The following ACACA variants were observed in gnomAD, a reference collection of about 807,000 sequenced individuals.
ACACA encodes the protein acetyl-CoA carboxylase alpha, also known as acetyl-CoA carboxylase 1.
In ACACA, 103 loss-of-function variants were observed where a neutral mutation model predicts 296.1. The ratio of observed to expected loss-of-function variants is 0.35; its 90% CI spans 0.30 to 0.41. The LOEUF is 0.41. Among genes scored for constraint, ACACA ranks in the 10% least tolerant of loss-of-function variants. ACACA has a pLI of 1.00. For synonymous variants in ACACA, 953 were observed against 1,038.6 expected, an observed-to-expected ratio of 0.92 and a Z score of 1.58; for missense variants, 1,554 against 2,989.7, an observed-to-expected ratio of 0.52 and a Z score of 11.20.
Position 37,152,130 on chromosome 17 carries a change from C to A in ACACA, c.5448-709G>T, listed in dbSNP as rs1050664842. 3.9e-4 allele frequency among the ~76,000 whole-genome samples: 59 copies of A among 152,284 alleles called. 1 individual carries two copies. Among genetic ancestry groups the A allele is most frequent in the Middle Eastern group, 3.4e-3 (1 of 294 alleles). On this transcript the variant is annotated intron_variant, in intron 43 of 55. Transcript: ENST00000616317. ...ATTTAAATCCTTGCTCTGATACACA[C>A]AGGAGTGTGACTCTAGAAATAATAA...
chr17:37,296,392 G>A (rs1394483792), intron 3 of ACACA, among the ~76,000 whole-genome samples: 1 of 134,542 alleles, frequency 7.4e-6, no homozygotes, highest in Non-Finnish European at 1.6e-5. Context: ...TGCAAGCTCT[G>A]CCTCCTGGGT....
chr17:37,114,645 C>T (rs1208712222), intron 50 of ACACA, among the ~76,000 whole-genome samples: 1 of 151,952 alleles, frequency 6.6e-6, no homozygotes, highest in Admixed American at 6.6e-5. Flanking sequence ...AAAACTGGAT[C>T]AGTTATTTAT....
chr17:37,354,102 T>C (rs896167592), intron 1 of ACACA, among the ~76,000 whole-genome samples: 1 of 152,170 alleles, frequency 6.6e-6, no homozygotes, highest in Non-Finnish European at 1.5e-5. Flanking sequence ...AGAGAGACCC[T>C]GTCTCAAAAT....
chr17:37,104,572 C>A (rs554008079), intron 52 of ACACA, among the ~76,000 whole-genome samples: 1 of 152,128 alleles, frequency 6.6e-6, no homozygotes, highest in Admixed American at 6.5e-5. Flanking sequence ...TGAAAGTATC[C>A]GCAGCACAGT....
intron 35 of ACACA, among the ~76,000 whole-genome samples, chr17:37,196,579 C>T (rs979598340): frequency 2.0e-5 from 3 of 150,858 alleles, no homozygotes; most frequent in Admixed American, 6.6e-5. Flanking sequence ...ATTTGTATTC[C>T]GATGTCCTTA....
intron 45 of ACACA, among the ~76,000 whole-genome samples, chr17:37,132,365 C>T (rs1486496519): frequency 6.6e-6 from 1 of 152,134 alleles, no homozygotes; most frequent in African/African-American, 2.4e-5. Flanking sequence ...TCTGTTGATG[C>T]GGGAGCCTGG....
intron 47 of ACACA, among the ~76,000 whole-genome samples, chr17:37,128,023 T>TAAAAAA (rs2074890198): frequency 0.041 from 924 of 22,518 alleles, 111 homozygotes; most frequent in Middle Eastern, 0.13. Context: ...AAACTCCATC[T>TAAAAAA]CAAAAAAAAA....
intron 54 of ACACA, among the ~76,000 whole-genome samples, chr17:37,091,634 C>T (rs543175575): frequency 3.3e-5 from 5 of 152,054 alleles, no homozygotes; most frequent in Non-Finnish European, 7.4e-5. Context: ...GGCTGGAGTA[C>T]AGTGGCATGA....
chr17:37,248,824 TC>T, intron 16 of ACACA, 150 bp from the exon 17 acceptor site: 1 of 607,604 alleles, frequency 1.6e-6, no homozygotes. Flanking sequence ...ATTGATCACA[TC>T]AATTATGAAT....
rs147096388 is a variant in ACACA at position 37,381,917 on chromosome 17, G to A, written c.38+24345C>T. Among the ~76,000 whole-genome samples, 1,169 of 152,086 alleles carry A rather than the reference G, an allele frequency of 7.7e-3. 19 individuals carry two copies. Among genetic ancestry groups the A allele is most frequent in the South Asian group, 0.049 (235 of 4,808 alleles). ...GCTGGGATTACAGGCGTGAGCCACT[G>A]CACCCGGCCATGTCTCTTCTATATT... On this transcript the variant is annotated intron_variant, in intron 1 of 55. Transcript: ENST00000616317.
At position 37,087,319 on chromosome 17, in the gene ACACA, C is replaced by A; in HGVS notation, c.7149G>T (p.Thr2383=). ...RILSTMDSPS[T] is the part of the protein sequence containing the mutation. ...AGGGACAGGCAGGAAGCTCTTCCTA[C>A]GTGGAAGGGGAATCCATTGTGGAGA... Residue 2383 remains threonine (T), a synonymous_variant, in exon 56 of 56, where the codon ACG becomes ACT. Transcript: ENST00000616317. The A allele has an allele frequency of 6.2e-7, 1 of 1,614,092 alleles. No homozygotes were observed. Among genetic ancestry groups the A allele is most frequent in the Non-Finnish European group, 8.5e-7 (1 of 1,180,016 alleles).
At chr17:37,288,483 G>T (rs558536465) in intron 3 of ACACA, among the ~76,000 whole-genome samples, 1 of 152,146 alleles carries the variant, frequency 6.6e-6, no homozygotes, top group African/African-American at 2.4e-5. Flanking sequence ...CAGTGGGCTG[G>T]GGCTGTGGGA....
intron 3 of ACACA, chr17:37,299,709 AAC>A (rs1303030542): frequency 9.9e-7 from 1 of 1,010,032 alleles, no homozygotes; most frequent in Non-Finnish European, 1.2e-6. Context: ...CATTTTCAAC[AAC>A]AGTCACTTTC....
At chr17:37,109,131 C>T (rs1345224350) in intron 52 of ACACA, among the ~76,000 whole-genome samples, 1 of 152,208 alleles carries the variant, frequency 6.6e-6, no homozygotes, top group Non-Finnish European at 1.5e-5. Context: ...TCATTGTGAA[C>T]CCCAAAGGAA....
chr17:37,138,130 C>G (rs959111895), intron 45 of ACACA, among the ~76,000 whole-genome samples: 2 of 152,222 alleles, frequency 1.3e-5, no homozygotes, highest in African/African-American at 4.8e-5. Context: ...GTAGTTCAAT[C>G]TAAAAAGCTC....
At chr17:37,157,869 C>A (rs1020184990) in intron 42 of ACACA, among the ~76,000 whole-genome samples, 3 of 152,036 alleles carry the variant, frequency 2.0e-5, no homozygotes, top group African/African-American at 4.8e-5. Flanking sequence ...TGAGAACAGA[C>A]CTTGGGTGGG....
At chr17:37,237,138 T>G (rs2080151207) in intron 24 of ACACA, among the ~76,000 whole-genome samples, 1 of 152,238 alleles carries the variant, frequency 6.6e-6, no homozygotes, top group African/African-American at 2.4e-5. Flanking sequence ...CTGTACCATT[T>G]CTTTTCCTTA....
chr17:37,171,125 T>C (rs924113204), intron 41 of ACACA, among the ~76,000 whole-genome samples: 4 of 152,246 alleles, frequency 2.6e-5, no homozygotes, highest in African/African-American at 7.2e-5. Flanking sequence ...GTATTCGTTA[T>C]ATTCATGCTA....
At chr17:37,274,996 G>T (rs1225350020) in intron 8 of ACACA, among the ~76,000 whole-genome samples, 1 of 145,734 alleles carries the variant, frequency 6.9e-6, no homozygotes, top group Non-Finnish European at 1.5e-5. Context: ...AAAAAAAAAA[G>T]GTTCATATTG....
Sources: allele counts gnomAD v4.1 joint callset (sites outside exome capture counted in the v4.1 genomes callset), GRCh38; gene constraint gnomAD v4.1.1; transcripts MANE v1.5; gene names NCBI Gene and HGNC (gene_info 2026-07-23, HGNC 2026-07-21).